NEBL: variants seen among roughly 807,000 people sequenced by gnomAD.
NEBL encodes nebulette.
NEBL carries 122 observed loss-of-function variants against 140.2 expected under a neutral mutation model. The ratio of observed to expected loss-of-function variants is 0.87; its 90% CI spans 0.75 to 1.01. The LOEUF is 1.01. Among genes scored for constraint, NEBL ranks in the 50% least tolerant of loss-of-function variants. The pLI, the probability that NEBL is intolerant of heterozygous loss-of-function variation, is 0.00. For missense variants in NEBL, 1,365 were observed against 1,231.3 expected (o/e 1.11, Z -1.62); for synonymous variants, 436 against 398.9 (o/e 1.09, Z -1.11).
chr10:21,125,331 C>T (rs1838773367), intron 2 of NEBL, among the ~76,000 whole-genome samples: 2 of 152,092 alleles, frequency 1.3e-5, no homozygotes, highest in African/African-American at 4.8e-5. Context: ...AAACCACGAG[C>T]TCCTTTTTAC....
At chr10:20,965,857 G>T (rs1482197037) in intron 3 of NEBL, among the ~76,000 whole-genome samples, 5 of 152,094 alleles carry the variant, frequency 3.3e-5, no homozygotes, top group Non-Finnish European at 7.4e-5. Flanking sequence ...TCAGGGCCCT[G>T]GCGTCCCCGA....
intron 2 of NEBL, among the ~76,000 whole-genome samples, chr10:21,082,342 T>C (rs1276892186): frequency 1.3e-5 from 2 of 152,064 alleles, no homozygotes; most frequent in African/African-American, 4.8e-5. Context: ...AAATAAATAT[T>C]AGTGTTCTGA....
chr10:20,920,862 T>C (rs901943632), intron 4 of NEBL, among the ~76,000 whole-genome samples: 3 of 152,214 alleles, frequency 2.0e-5, no homozygotes, highest in Non-Finnish European at 2.9e-5. Flanking sequence ...TAAGCTGAAA[T>C]AAATGGAACT....
At chr10:21,253,313 G>A (rs1325703221) in intron 1 of NEBL, among the ~76,000 whole-genome samples, 1 of 152,148 alleles carries the variant, frequency 6.6e-6, no homozygotes, top group Non-Finnish European at 1.5e-5. Context: ...ACTACTGACT[G>A]TGGAGTGTTG....
chr10:21,029,606 C>T, intron 2 of NEBL: 6 of 1,548,876 alleles, frequency 3.9e-6, no homozygotes, highest in Non-Finnish European at 5.3e-6. Context: ...AGGGCTCGTT[C>T]TGCCACAGAC....
intron 21 of NEBL, among the ~76,000 whole-genome samples, chr10:20,816,603 G>C (rs1474657463): frequency 6.6e-6 from 1 of 152,144 alleles, no homozygotes; most frequent in Non-Finnish European, 1.5e-5. Context: ...ATTATAAACT[G>C]GTAAAATGAC....
rs112853221 is a variant in NEBL, at chr10:21,122,054, CTCTT to C, written c.164+50325_164+50328del. ...TGTTGTTGTTGTTTTGAGACACAGT[CTCTT>C]TCTATCACCCAGACTGGAATGCAGT... On this transcript the variant is annotated intron_variant, in intron 2 of 6. Transcript: ENST00000417816. Among the ~76,000 whole-genome samples the C allele has an allele frequency of 1.3e-4, 19 of 148,250 alleles. 1 individual carries two copies. The highest frequency in any genetic ancestry group is 4.7e-4 in the African/African-American group (19 of 40,466).
intron 2 of NEBL, among the ~76,000 whole-genome samples, chr10:21,119,195 C>A (rs1216428585): frequency 6.6e-6 from 1 of 152,058 alleles, no homozygotes; most frequent in African/African-American, 2.4e-5. Context: ...TTCTCATGAA[C>A]CTGAATTTAA....
At chr10:20,973,439 A>G (rs1392044447) in intron 3 of NEBL, among the ~76,000 whole-genome samples, 1 of 152,008 alleles carries the variant, frequency 6.6e-6, no homozygotes, top group Non-Finnish European at 1.5e-5. Context: ...TTGTAGAGAC[A>G]GGGTCACACT....
At chr10:20,810,963 G>T (rs1036758404) in intron 24 of NEBL, among the ~76,000 whole-genome samples, 1 of 152,128 alleles carries the variant, frequency 6.6e-6, no homozygotes. Flanking sequence ...CTTGGCCAAG[G>T]TTACACAGCT....
intron 4 of NEBL, among the ~76,000 whole-genome samples, chr10:20,947,607 T>C (rs1235919221): frequency 6.6e-6 from 1 of 152,050 alleles, no homozygotes; most frequent in Non-Finnish European, 1.5e-5. Context: ...CTGATGAGCT[T>C]CATAGTTGTT....
intron 4 of NEBL, among the ~76,000 whole-genome samples, chr10:20,915,236 C>T (rs1848496249): frequency 6.6e-6 from 1 of 151,876 alleles, no homozygotes. Context: ...ATGCAAGGAA[C>T]CAGGCTTTGA....
At chr10:21,118,422 C>T (rs1298331228) in intron 2 of NEBL, among the ~76,000 whole-genome samples, 1 of 151,992 alleles carries the variant, frequency 6.6e-6, no homozygotes, top group Admixed American at 6.6e-5. Flanking sequence ...AAATCCTGAA[C>T]GCATACTTAA....
upstream of NEBL, among the ~76,000 whole-genome samples, chr10:21,177,732 G>A (rs369474137): frequency 2.1e-4 from 32 of 152,148 alleles, no homozygotes; most frequent in Middle Eastern, 3.4e-3. Flanking sequence ...GTTTCACTGC[G>A]TTAGCCAGGA....
upstream of NEBL, among the ~76,000 whole-genome samples, chr10:20,898,169 G>A (rs1356618300): frequency 6.6e-6 from 1 of 151,914 alleles, no homozygotes; most frequent in Admixed American, 6.6e-5. Context: ...TAAAACCAAG[G>A]TTAAAAAAAA....
At chr10:21,150,294 A>G (rs112701084) in intron 2 of NEBL, among the ~76,000 whole-genome samples, 10 of 152,340 alleles carry the variant, frequency 6.6e-5, no homozygotes, top group African/African-American at 2.4e-4. Flanking sequence ...TTCGCTTCTC[A>G]TCAACTTTCT....
At chr10:20,851,871 C>T (rs1019142851) in intron 10 of NEBL, among the ~76,000 whole-genome samples, 13 of 151,978 alleles carry the variant, frequency 8.6e-5, no homozygotes, top group African/African-American at 2.7e-4. Flanking sequence ...GGAACTGTTT[C>T]GTATATTTTT....
intron 2 of NEBL, among the ~76,000 whole-genome samples, chr10:21,043,935 C>T (rs1834381585): frequency 6.6e-6 from 1 of 152,156 alleles, no homozygotes; most frequent in Non-Finnish European, 1.5e-5. Flanking sequence ...TAGTCTACAA[C>T]TCTAAATAGA....
chr10:21,014,921 A>G (rs984544673), intron 3 of NEBL, among the ~76,000 whole-genome samples: 2 of 152,246 alleles, frequency 1.3e-5, no homozygotes, highest in African/African-American at 4.8e-5. Context: ...GAAACCTGGA[A>G]GATTAAAAAA....
Sources: allele counts gnomAD v4.1 joint callset (sites outside exome capture counted in the v4.1 genomes callset), GRCh38; gene constraint gnomAD v4.1.1; transcripts MANE v1.5; gene names NCBI Gene and HGNC (gene_info 2026-07-23, HGNC 2026-07-21).